The following PEBP4 variants were observed in gnomAD, a reference collection of about 807,000 sequenced individuals.
PEBP4 encodes phosphatidylethanolamine binding protein 4.
In PEBP4, 22 loss-of-function variants were observed where a neutral mutation model predicts 23.9. That is an observed-to-expected ratio of 0.92 (90% CI 0.66 to 1.31). The LOEUF (loss-of-function observed/expected upper bound fraction) is 1.31, where lower values mean the gene tolerates loss of function less well. Among genes scored for constraint, PEBP4 ranks in the 40% most tolerant of loss-of-function variants. PEBP4 has a pLI of 0.00. For synonymous variants in PEBP4, 112 were observed against 99.3 expected (o/e 1.13, Z -0.76); for missense variants, 324 against 281.7 (o/e 1.15, Z -1.07).
At chr8:22,819,867 A>G (rs966775147) in intron 3 of PEBP4, among the ~76,000 whole-genome samples, 1 of 152,176 alleles carries the variant, frequency 6.6e-6, no homozygotes, top group African/African-American at 2.4e-5. Context: ...CGGCCTCCCA[A>G]AGTGCTGGAA....
intron 3 of PEBP4, among the ~76,000 whole-genome samples, chr8:22,910,764 A>T (rs542180479): frequency 1.3e-5 from 2 of 152,346 alleles, no homozygotes; most frequent in Non-Finnish European, 2.9e-5. Context: ...AGGCAAAACT[A>T]CGGAGACAGC....
chr8:22,904,131 C>T (rs192672159), intron 3 of PEBP4, among the ~76,000 whole-genome samples: 9 of 152,318 alleles, frequency 5.9e-5, no homozygotes, highest in Admixed American at 1.3e-4. Flanking sequence ...AAATACTCCA[C>T]GGAGGCTGGG....
intron 2 of PEBP4, among the ~76,000 whole-genome samples, chr8:22,926,194 T>C (rs1201087556): frequency 1.3e-5 from 2 of 152,100 alleles, no homozygotes; most frequent in Non-Finnish European, 2.9e-5. Context: ...GTCAGGCTGG[T>C]CTCAAACTCC....
chr8:22,793,985 C>T (rs1250710009), intron 4 of PEBP4, among the ~76,000 whole-genome samples: 2 of 152,132 alleles, frequency 1.3e-5, no homozygotes, highest in Non-Finnish European at 2.9e-5. Context: ...AAACAAAAGT[C>T]AAACATTGCC....
chr8:22,787,276 A>G (rs1806048295), intron 4 of PEBP4, among the ~76,000 whole-genome samples: 1 of 152,140 alleles, frequency 6.6e-6, no homozygotes, highest in Non-Finnish European at 1.5e-5. Flanking sequence ...AAATATAATG[A>G]GTGGAGTTGA....
intron 1 of PEBP4, among the ~76,000 whole-genome samples, chr8:22,936,985 A>C (rs971420370): frequency 6.6e-6 from 1 of 152,188 alleles, no homozygotes; most frequent in East Asian, 1.9e-4. Context: ...GCCCACAGAT[A>C]ACAACATACT....
chr8:22,721,584 G>A (rs539433998), intron 6 of PEBP4, among the ~76,000 whole-genome samples: 32 of 152,218 alleles, frequency 2.1e-4, no homozygotes, highest in African/African-American at 3.9e-4. Context: ...TCAGTGGCCC[G>A]TCTGCCATAG....
intron 3 of PEBP4, among the ~76,000 whole-genome samples, chr8:22,899,143 A>AT (rs1361358550): frequency 6.6e-6 from 1 of 152,216 alleles, no homozygotes; most frequent in Non-Finnish European, 1.5e-5. Context: ...ACCTCAAAGC[A>AT]TTGTTGGGAA....
chr8:22,767,551 G>A (rs906592214), intron 4 of PEBP4, among the ~76,000 whole-genome samples: 3 of 152,112 alleles, frequency 2.0e-5, no homozygotes, highest in East Asian at 1.9e-4. Context: ...TTTACATGAC[G>A]CTCAAGAATA....
chr8:22,823,647 A>T (rs900158222), intron 3 of PEBP4, among the ~76,000 whole-genome samples: 1 of 152,050 alleles, frequency 6.6e-6, no homozygotes, highest in Non-Finnish European at 1.5e-5. Context: ...GAAGATTGAT[A>T]TATCTAACTA....
At chr8:22,732,634 T>TGTGTGTGTG (rs1554479294) in intron 4 of PEBP4, among the ~76,000 whole-genome samples, 67 of 149,118 alleles carry the variant, frequency 4.5e-4, no homozygotes, top group African/African-American at 1.1e-3. Flanking sequence ...CTGGCCCCAT[T>TGTGTGTGTG]TGTGTGTGTG....
At chr8:22,852,359 T>C (rs1265661460) in intron 3 of PEBP4, among the ~76,000 whole-genome samples, 5 of 152,196 alleles carry the variant, frequency 3.3e-5, no homozygotes, top group Non-Finnish European at 7.4e-5. Flanking sequence ...AGAGCGACCA[T>C]GCTCTGATTA....
At chr8:22,861,261 G>T (rs1807773136) in intron 3 of PEBP4, among the ~76,000 whole-genome samples, 2 of 152,174 alleles carry the variant, frequency 1.3e-5, no homozygotes, top group African/African-American at 4.8e-5. Flanking sequence ...AGAAGTGGAG[G>T]TTCAATTTGC....
intron 1 of PEBP4, among the ~76,000 whole-genome samples, chr8:22,939,752 CTG>C (rs1809584769): frequency 6.6e-6 from 1 of 152,012 alleles, no homozygotes. Flanking sequence ...AGGAGAGTGT[CTG>C]TGAGATAAAC....
At chr8:22,737,193 C>T (rs779378795) in intron 4 of PEBP4, among the ~76,000 whole-genome samples, 68 of 148,392 alleles carry the variant, frequency 4.6e-4, no homozygotes, top group Non-Finnish European at 8.6e-4. Context: ...ACTCGGGAGG[C>T]TGAGGCAGGA....
chr8:22,827,083 G>A (rs1806986711), intron 3 of PEBP4, among the ~76,000 whole-genome samples: 2 of 152,112 alleles, frequency 1.3e-5, no homozygotes, highest in Admixed American at 1.3e-4. Context: ...TGCAACTGCT[G>A]GAATAAGACC....
intron 4 of PEBP4, chr8:22,744,563 G>A (rs984255167): frequency 6.6e-6 from 1 of 152,288 alleles, no homozygotes; most frequent in Admixed American, 6.5e-5. Flanking sequence ...CCCTAACCAA[G>A]CTCCCCTTTT....
intron 3 of PEBP4, among the ~76,000 whole-genome samples, chr8:22,861,958 T>C (rs1322066052): frequency 6.6e-6 from 1 of 152,206 alleles, no homozygotes; most frequent in Non-Finnish European, 1.5e-5. Flanking sequence ...CACGAAGTCA[T>C]TCTCTCTGTC....
chr8:22,762,604 G>T (rs1231338910), intron 4 of PEBP4, among the ~76,000 whole-genome samples: 1 of 152,060 alleles, frequency 6.6e-6, no homozygotes, highest in Non-Finnish European at 1.5e-5. Flanking sequence ...GTTTCTTCTC[G>T]GTCAGGCCTC....
Sources: allele counts gnomAD v4.1 joint callset (sites outside exome capture counted in the v4.1 genomes callset), GRCh38; gene constraint gnomAD v4.1.1; transcripts MANE v1.5; gene names NCBI Gene and HGNC (gene_info 2026-07-23, HGNC 2026-07-21).